The following LRP10 variants were observed in gnomAD, a reference collection of about 807,000 sequenced individuals.
The protein encoded by LRP10 is low-density lipoprotein receptor-related protein 10.
A neutral mutation model predicts 58.5 loss-of-function variants in LRP10; 42 were observed. The observed-to-expected ratio is 0.72, with a 90% CI of 0.56 to 0.93. LRP10 has a LOEUF of 0.93. LRP10 is among the 40% of genes least tolerant of loss of function. The probability of loss-of-function intolerance (pLI) is 0.00; values close to 1 mark genes in which losing one functional copy is unlikely to be tolerated. For missense variants in LRP10, 872 were observed against 940.1 expected (o/e 0.93, Z 0.95); for synonymous variants, 377 against 388.5 (o/e 0.97, Z 0.35).
In LRP10 at chr14:22,875,152, C is replaced by T; in HGVS notation, c.313C>T (p.Leu105=). ...CCTGTGTGAGGCACCTCCCAGCCCT[C>T]TGCAGCTGCCCGGGGGCAACGTCAC... is the stretch of plus-strand genomic sequence containing the variant. ...ISLCEAPPSP[L]QLPGGNVTIT... Residue 105 remains leucine, a synonymous_variant, in exon 4 of 7, where the codon CTG becomes TTG. Transcript: ENST00000359591. 1 of 1,613,852 alleles carries T rather than the reference C, an allele frequency of 6.2e-7. No individual in the cohort carries two copies. Among genetic ancestry groups the T allele is most frequent in the Non-Finnish European group, 8.5e-7 (1 of 1,179,888 alleles).
chr14:22,872,695 A>G (rs1566491358), intron 1 of LRP10, 43 bp from the exon 2 acceptor site: 23 of 1,597,992 alleles, frequency 1.4e-5, no homozygotes, highest in Non-Finnish European at 2.0e-5. Context: ...GAAAACTCCT[A>G]AGGAGTGTCT....
In LRP10 at chr14:22,881,420, T is replaced by C. The variant is rs534256734; in HGVS notation, c.*3893T>C. 1 of 152,348 alleles carries C rather than the reference T, an allele frequency of 6.6e-6. No homozygotes were observed. Among genetic ancestry groups the C allele is most frequent in the Non-Finnish European group, 1.5e-5 (1 of 68,038 alleles). The allele number at this position is 152,348 out of a possible 1,614,324, so 9.4% of individuals were successfully genotyped here. A position where few individuals can be genotyped will look rare whatever the true frequency, so the allele number is the denominator to read the frequency against. On this transcript the variant is annotated 3_prime_UTR_variant, in exon 7 of 7. Transcript: ENST00000359591. ...ACTTGTCTTCAGCATATCTGCAATATAATAATTTTCTGCATAACTGAGGAT... is the reference window on the plus strand; with the variant it reads ...ACTTGTCTTCAGCATATCTGCAATACAATAATTTTCTGCATAACTGAGGAT...
Position 22,876,105 on chromosome 14 carries a change from T to C in LRP10, c.1157T>C (p.Phe386Ser). The part of the protein sequence containing the change: ...LPADRCNYQT[F>S]CADGADERRC... ...GCTGACCGCTGCAACTACCAGACTT[T>C]CTGTGCTGATGGAGCAGATGAGAGA... The change falls in exon 5 of 7, where the codon TTC (phenylalanine) becomes TCC (serine). Residue 386 changes from phenylalanine to serine, a missense_variant. Transcript: ENST00000359591. 3 of 1,614,156 alleles carry C rather than the reference T, an allele frequency of 1.9e-6. No homozygotes were observed. The highest frequency in any genetic ancestry group is 1.3e-5 in the African/African-American group (1 of 75,048).
chr14:22,873,409 C>T lies in LRP10; in HGVS notation c.178C>T (p.Leu60Phe). The change falls in exon 3 of 7, where the codon CTC (leucine) becomes TTC (phenylalanine). Residue 60 changes from leucine to phenylalanine, a missense_variant. Leu to Phe is a conservative substitution (Grantham distance 22, BLOSUM62 0). Coordinates refer to ENST00000359591, the MANE Select transcript of LRP10 (RefSeq NM_014045.5). ...SRTSPANCTW[L>F]ILGSKEQTVT... ...CACCTCCCCTGCCAACTGCACCTGGCTCATCCTGGGCAGCAAGGAACAGAC... is the reference window on the plus strand; with the variant it reads ...CACCTCCCCTGCCAACTGCACCTGGTTCATCCTGGGCAGCAAGGAACAGAC... 5 of 1,614,172 alleles carry T rather than the reference C, an allele frequency of 3.1e-6. No individual in the cohort carries two copies. Among genetic ancestry groups the T allele is most frequent in the Non-Finnish European group, 4.2e-6 (5 of 1,180,034 alleles).
chr14:22,872,282 C>A lies in LRP10; in HGVS notation c.-22C>A. 1.2e-6 allele frequency: 2 copies of A among 1,613,926 alleles called. No homozygotes were observed. The highest frequency in any genetic ancestry group is 1.7e-6 in the Non-Finnish European group (2 of 1,179,852). ...GACCACAGAAGCTCCGGGACCCTTC[C>A]GGCACCTCTGGACAGCCCAGGATGC... On this transcript the variant is annotated 5_prime_UTR_variant, in exon 1 of 7. Transcript: ENST00000359591.
At position 22,877,618 on chromosome 14, in the gene LRP10, C is replaced by T. The variant is rs2040022875; in HGVS notation, c.*91C>T. ...AGAGGTGGGTCAGCCTCCCCTCCAC[C>T]ACTTCCTTCCCTGTCCCTGGATTTC... On this transcript the variant is annotated 3_prime_UTR_variant, in exon 7 of 7. Coordinates refer to ENST00000359591, the MANE Select transcript of LRP10 (RefSeq NM_014045.5). This position sits in a 1 kb window ranked among gnomAD's most constrained non-coding sequence, Gnocchi z 5.1. 2 of 947,064 alleles carry T rather than the reference C, an allele frequency of 2.1e-6. No individual in the cohort carries two copies. The allele number at this position is 947,064 out of a possible 1,614,324, so 58.7% of individuals were successfully genotyped here.
Position 22,876,234 on chromosome 14 carries a change from A to G in LRP10, c.1286A>G (p.Asp429Gly). ...CAGCCAGACTGTGCGGACGGCAGTGATGAGTGGGACTGCTCCTATGTTCTG... is the reference window on the plus strand; with the variant it reads ...CAGCCAGACTGTGCGGACGGCAGTGGTGAGTGGGACTGCTCCTATGTTCTG... ...DGQPDCADGS[D>G]EWDCSYVLPR... Residue 429 changes from aspartate (D) to glycine (G), a missense_variant, in exon 5 of 7, where the codon GAT becomes GGT. Asp to Gly is a moderately conservative substitution (Grantham distance 94). Transcript: ENST00000359591. The G allele has an allele frequency of 6.2e-7, 1 of 1,614,148 alleles. No homozygotes were observed. The highest frequency in any genetic ancestry group is 8.5e-7 in the Non-Finnish European group (1 of 1,180,010).
In LRP10 at chr14:22,872,107, G is replaced by C; in HGVS notation, c.-197G>C. The stretch of plus-strand genomic sequence containing the variant: ...GAAAACAACTCCAAAGTTGGCGAAA[G>C]GCACCGCCCCTACTCCCGGGCTGCC... On this transcript the variant is annotated 5_prime_UTR_variant, in exon 1 of 7. Coordinates refer to ENST00000359591, the MANE Select transcript of LRP10 (RefSeq NM_014045.5). The C allele has an allele frequency of 1.6e-6, 1 of 609,424 alleles. No individual in the cohort carries two copies. The highest frequency in any genetic ancestry group is 2.9e-6 in the Non-Finnish European group (1 of 342,480). The allele number at this position is 609,424 out of a possible 1,614,324, so 37.8% of individuals were successfully genotyped here.
At chr14:22,874,681 A>T (rs1405178166) in intron 3 of LRP10, among the ~76,000 whole-genome samples, 1 of 152,236 alleles carries the variant, frequency 6.6e-6, no homozygotes, top group African/African-American at 2.4e-5. Context: ...TGAGGCCAGG[A>T]GTTCGAGACC....
chr14:22,876,448 C>T (rs547827104), intron 5 of LRP10, 76 bp downstream of exon 5: 3 of 1,536,000 alleles, frequency 2.0e-6, no homozygotes, highest in African/African-American at 1.4e-5. Flanking sequence ...CAGGAGACCA[C>T]GAAAGTGCCC....
chr14:22,872,290 C>G lies in LRP10; in HGVS notation c.-14C>G. ...AAGCTCCGGGACCCTTCCGGCACCT[C>G]TGGACAGCCCAGGATGCTGTTGGCC... is the stretch of plus-strand genomic sequence containing the variant. On this transcript the variant is annotated 5_prime_UTR_variant, in exon 1 of 7. Coordinates refer to ENST00000359591, the MANE Select transcript of LRP10 (RefSeq NM_014045.5). 6.2e-7 allele frequency: 1 copy of G among 1,614,020 alleles called. No individual in the cohort carries two copies. The highest frequency in any genetic ancestry group is 8.5e-7 in the Non-Finnish European group (1 of 1,179,916).
In LRP10 at chr14:22,876,696, G is replaced by T; in HGVS notation, c.1432G>T (p.Ala478Ser). 1 of 1,613,526 alleles carries T rather than the reference G, an allele frequency of 6.2e-7. No homozygotes were observed. The highest frequency in any genetic ancestry group is 8.5e-7 in the Non-Finnish European group (1 of 1,179,720). Residue 478 changes from alanine (A) to serine (S), a missense_variant, in exon 6 of 7, where the codon GCC becomes TCC. By Grantham distance (99) the Ala-to-Ser change is moderately conservative. Coordinates refer to ENST00000359591, the MANE Select transcript of LRP10 (RefSeq NM_014045.5). ...AGTCCTCATTCCTTCTAGCATCTTT[G>T]CCCCCCTCTCCCGGATGGAGGCTGA... ...AIRTQEYSIFAPLSRMEAEIV... is the reference protein window; with the variant it reads ...AIRTQEYSIFSPLSRMEAEIV...
At position 22,876,792 on chromosome 14, in the gene LRP10, G is replaced by T. The variant is rs2040011397; in HGVS notation, c.1528G>T (p.Asp510Tyr). ...IAQGAIPPVE[D>Y]FPTENPNDNS... ...CCAGGGTGCCATCCCACCTGTAGAA[G>T]ACTTTCCTACAGAGAATCCTAATGA... The change falls in exon 6 of 7, where the codon GAC becomes TAC. Residue 510 changes from aspartate (D) to tyrosine (Y), a missense_variant. Physicochemically the swap from Asp to Tyr is radical, Grantham distance 160 (BLOSUM62 -3). Coordinates refer to ENST00000359591, the MANE Select transcript of LRP10 (RefSeq NM_014045.5). 1 of 1,613,690 alleles carries T rather than the reference G, an allele frequency of 6.2e-7. No homozygotes were observed. Among genetic ancestry groups the T allele is most frequent in the South Asian group, 1.1e-5 (1 of 91,074 alleles).
Position 22,877,434 on chromosome 14 carries a change from G to T in LRP10, c.2049G>T (p.Leu683=), listed in dbSNP as rs1595031964. 6.2e-7 allele frequency: 1 copy of T among 1,613,736 alleles called. No individual in the cohort carries two copies. The highest frequency in any genetic ancestry group is 8.5e-7 in the Non-Finnish European group (1 of 1,179,932). ...CCCCTGGACCCCACACAGCAGTCCT[G>T]GCCCTGGAAGATGAGGACGATGTGC... ...RSPPGPHTAV[L]ALEDEDDVLL... Residue 683 remains leucine (L), a synonymous_variant, in exon 7 of 7, where the codon CTG becomes CTT. Transcript: ENST00000359591. This position sits in a 1 kb window ranked among gnomAD's most constrained non-coding sequence, Gnocchi z 5.1.
rs2039999536 is a variant in LRP10 at position 22,875,902 on chromosome 14, C to G, written c.954C>G (p.Gly318=). ...CLPWDRPCGL[G]SGLGAGEGLG... ...CTTGGGACAGACCCTGTGGCTTAGGCTCTGGCCTGGGAGCTGGCGAAGGCC... is the reference window on the plus strand; with the variant it reads ...CTTGGGACAGACCCTGTGGCTTAGGGTCTGGCCTGGGAGCTGGCGAAGGCC... The change falls in exon 5 of 7, where the codon GGC becomes GGG. Residue 318 remains glycine, a synonymous_variant. Transcript: ENST00000359591. The G allele has an allele frequency of 6.2e-7, 1 of 1,613,420 alleles. No homozygotes were observed. The highest frequency in any genetic ancestry group is 8.5e-7 in the Non-Finnish European group (1 of 1,179,668).
chr14:22,872,776 A>G lies in LRP10; in HGVS notation c.73A>G (p.Asn25Asp). ...CCATCCAGACCGGATTATTTTTCCA[A>G]ATCATGGTGAGTTGAGGGAACCTCT... ...LAHPDRIIFP[N>D]HACEDPPAVL... The change falls in exon 2 of 7, where the codon AAT (asparagine) becomes GAT (aspartate). Residue 25 changes from asparagine to aspartate, a missense_variant. Transcript: ENST00000359591. 1 of 1,614,088 alleles carries G rather than the reference A, an allele frequency of 6.2e-7. No homozygotes were observed. The highest frequency in any genetic ancestry group is 1.7e-4 in the Middle Eastern group (1 of 6,058).
At chr14:22,872,894 T>C in intron 2 of LRP10, 112 bp downstream of exon 2, 2 of 1,066,870 alleles carry the variant, frequency 1.9e-6, no homozygotes, top group South Asian at 2.7e-5. Flanking sequence ...AGAGGGGAGA[T>C]AATTTAGCCT....
chr14:22,872,762 G>C lies in LRP10; in HGVS notation c.59G>C (p.Arg20Pro). The change falls in exon 2 of 7, where the codon CGG becomes CCG. Residue 20 changes from arginine (R) to proline (P), a missense_variant. Arg to Pro is a moderately radical substitution (Grantham distance 103). Coordinates refer to ENST00000359591, the MANE Select transcript of LRP10 (RefSeq NM_014045.5). Reference sequence around the variant, plus strand: ...GGAGGCGCTCTGGCCCATCCAGACCGGATTATTTTTCCAAATCATGGTGAG... The same window carrying C: ...GGAGGCGCTCTGGCCCATCCAGACCCGATTATTTTTCCAAATCATGGTGAG... The part of the protein sequence containing the change: ...LLGGALAHPD[R>P]IIFPNHACED... 1 of 1,614,100 alleles carries C rather than the reference G, an allele frequency of 6.2e-7. No individual in the cohort carries two copies. Among genetic ancestry groups the C allele is most frequent in the Non-Finnish European group, 8.5e-7 (1 of 1,180,008 alleles).
intron 2 of LRP10, chr14:22,873,107 ATTT>A (rs2039972371): frequency 1.6e-6 from 1 of 632,692 alleles, no homozygotes; most frequent in African/African-American, 1.8e-5. Flanking sequence ...TGATATTAGT[ATTT>A]ACTGGTGAAG....
Sources: gnomAD v4.1 joint callset for allele counts (sites outside exome capture counted in the v4.1 genomes callset) on GRCh38, gnomAD v4.1.1 for gene constraint, Gnocchi (gnomAD v3.1) non-coding constraint, MANE v1.5 for transcripts, NCBI Gene and HGNC (gene_info 2026-07-23, HGNC 2026-07-21) for gene names.